Variants in TERT observed in about 807,000 individuals in gnomAD.
TERT encodes telomerase reverse transcriptase.
Under a neutral mutation model 104.0 loss-of-function variants are expected in TERT, and 42 were observed. The observed-to-expected ratio is 0.40, with a 90% confidence interval of 0.32 to 0.52. The LOEUF (loss-of-function observed/expected upper bound fraction) is 0.52, where lower values mean the gene tolerates loss of function less well. Ranked by LOEUF, TERT falls within the 20% of genes least tolerant of loss-of-function variation. The pLI, the probability that TERT is intolerant of heterozygous loss-of-function variation, is 0.43. For missense variants in TERT, 1,101 were observed against 1,610.3 expected (o/e 0.68, Z 5.41); for synonymous variants, 781 against 725.6 (o/e 1.08, Z -1.23).
Position 1,285,565 on chromosome 5 carries a change from A to ATTTTTTTTTTTTTT in TERT, c.1574-2955_1574-2942dup, listed in dbSNP as rs1170336173. On this transcript the variant is annotated intron_variant, in intron 2 of 15. Coordinates refer to ENST00000310581, the MANE Select transcript of TERT (RefSeq NM_198253.3). The stretch of plus-strand genomic sequence containing the variant: ...TTACTTTTTTAATGTGGCTACTAGA[A>ATTTTTTTTTTTTTT]TTTTTTTTTTTTTTTTTTTTTTTGA... Among the ~76,000 whole-genome samples, 20 of 82,202 alleles carry ATTTTTTTTTTTTTT rather than the reference A, an allele frequency of 2.4e-4. 1 individual carries two copies. Among genetic ancestry groups the ATTTTTTTTTTTTTT allele is most frequent in the East Asian group, 8.1e-4 (2 of 2,480 alleles). 53.9% of individuals were successfully genotyped at this position (82,202 alleles called of 152,430 possible). A position where few individuals can be genotyped will look rare whatever the true frequency, so the allele number is the denominator to read the frequency against.
Position 1,256,401 on chromosome 5 carries a change from A to C in TERT, c.3033-990T>G, listed in dbSNP as rs559308647. ...GGCTACCATGAAACAGCACATGTGCACATGTGCTCATATGTGCGTGTGATC... is the reference window on the plus strand; with the variant it reads ...GGCTACCATGAAACAGCACATGTGCCCATGTGCTCATATGTGCGTGTGATC... On this transcript the variant is annotated intron_variant, in intron 13 of 15. Coordinates refer to ENST00000310581, the MANE Select transcript of TERT (RefSeq NM_198253.3). This position sits in a 1 kb window ranked among gnomAD's most constrained non-coding sequence, Gnocchi z 7.0. Among the ~76,000 whole-genome samples, 121 of 152,112 alleles carry C rather than the reference A, an allele frequency of 8.0e-4. 1 individual carries two copies. Among genetic ancestry groups the C allele is most frequent in the African/African-American group, 2.7e-3 (113 of 41,474 alleles).
rs964518026 is a variant in TERT at position 1,257,744 on chromosome 5, C to T, written c.3032+854G>A. On this transcript the variant is annotated intron_variant, in intron 13 of 15. Transcript: ENST00000310581. The surrounding 1 kb of genome is among the most constrained non-coding windows in gnomAD (Gnocchi z 5.6). ...CCCGTGAGCCCTTGCTGGGTTTCCA[C>T]GATAGACGACGACCTCATTTCACAT... Among the ~76,000 whole-genome samples, 2 of 152,236 alleles carry T rather than the reference C, an allele frequency of 1.3e-5. No homozygotes were observed. The highest frequency in any genetic ancestry group is 2.4e-5 in the African/African-American group (1 of 41,462).
Position 1,288,382 on chromosome 5 carries a change from A to T in TERT, c.1573+4931T>A, listed in dbSNP as rs1376315746. ...ATGGAGAGATAGAAACGTCAGAGGT[A>T]AATCAGTGAAATTCAAAACTAAGAC... On this transcript the variant is annotated intron_variant, in intron 2 of 15. Coordinates refer to ENST00000310581, the MANE Select transcript of TERT (RefSeq NM_198253.3). This position sits in a 1 kb window ranked among gnomAD's most constrained non-coding sequence, Gnocchi z 5.3. Among the ~76,000 whole-genome samples, 1 of 152,196 alleles carries T rather than the reference A, an allele frequency of 6.6e-6. No homozygotes were observed. The highest frequency in any genetic ancestry group is 1.9e-4 in the East Asian group (1 of 5,192).
In TERT at chr5:1,279,468, G is replaced by A. The variant is rs201088708; in HGVS notation, c.1953C>T (p.Ala651=). Residue 651 remains alanine, a splice_region_variant and synonymous_variant, in exon 5 of 16, where the codon GCC becomes GCT. Coordinates refer to ENST00000310581, the MANE Select transcript of TERT (RefSeq NM_198253.3). ...GARTFRREKR[A]ERLTSRVKAL... ...CCTTCACCCTCGAGGTGAGACGCTC[G>A]GCCTGGCGGGGACAGCATGGGAGAC... 133 of 1,548,936 alleles carry A rather than the reference G, an allele frequency of 8.6e-5. No homozygotes were observed. The African/African-American group carries it at 1.6e-3, about 19-fold the overall frequency.
rs1441107459 is a variant in TERT, at chr5:1,288,263, C to G, written c.1573+5050G>C. 6.6e-6 allele frequency among the ~76,000 whole-genome samples: 1 copy of G among 152,108 alleles called. No homozygotes were observed. Among genetic ancestry groups the G allele is most frequent in the South Asian group, 2.1e-4 (1 of 4,828 alleles). ...GTTGAGATTACTTCACATCAAAACA[C>G]AGGGTGCAGGTAAGGCAGCACTTAG... On this transcript the variant is annotated intron_variant, in intron 2 of 15. Transcript: ENST00000310581. This position sits in a 1 kb window ranked among gnomAD's most constrained non-coding sequence, Gnocchi z 5.3.
chr5:1,273,849 C>T (rs959089623), intron 6 of TERT, among the ~76,000 whole-genome samples: 2 of 152,266 alleles, frequency 1.3e-5, no homozygotes, highest in South Asian at 2.1e-4. Context: ...TCCACAGTCA[C>T]GTGGCACAAG....
rs766794006 is a variant in TERT, at chr5:1,294,478, C to G, written c.408G>C (p.Ala136=). The G allele has an allele frequency of 6.3e-7, 1 of 1,589,768 alleles. No individual in the cohort carries two copies. Among genetic ancestry groups the G allele is most frequent in the Non-Finnish European group, 8.5e-7 (1 of 1,175,952 alleles). ...TVTDALRGSG[A]WGLLLRRVGD... ...CCACGCGGCGCAGCAGCAGCCCCCA[C>G]GCCCCGCTCCCCCGCAGTGCGTCGG... is the stretch of plus-strand genomic sequence containing the variant. Residue 136 remains alanine (A), a synonymous_variant, in exon 2 of 16, where the codon GCG becomes GCC. Coordinates refer to ENST00000310581, the MANE Select transcript of TERT (RefSeq NM_198253.3).
In TERT at chr5:1,288,583, A is replaced by G. The variant is rs1341980727; in HGVS notation, c.1573+4730T>C. On this transcript the variant is annotated intron_variant, in intron 2 of 15. Transcript: ENST00000310581. This position sits in a 1 kb window ranked among gnomAD's most constrained non-coding sequence, Gnocchi z 5.3. ...CGGCAGGTGCCCAGAATAAGGTGAC[A>G]AGCGTTGCCACCCACCCAAGGGGGC... Among the ~76,000 whole-genome samples, 1 of 152,102 alleles carries G rather than the reference A, an allele frequency of 6.6e-6. No homozygotes were observed. The highest frequency in any genetic ancestry group is 1.5e-5 in the Non-Finnish European group (1 of 68,026).
chr5:1,254,541 A>G (rs765588985), intron 14 of TERT, 36 bp from the exon 15 acceptor site: 102 of 1,591,508 alleles, frequency 6.4e-5, no homozygotes, highest in Non-Finnish European at 8.0e-5. Flanking sequence ...TCACAGGCCC[A>G]GCCCAGCTCC....
rs1026336640 is a variant in TERT at position 1,265,172 on chromosome 5, G to A, written c.2655-580C>T. On this transcript the variant is annotated intron_variant, in intron 10 of 15. Coordinates refer to ENST00000310581, the MANE Select transcript of TERT (RefSeq NM_198253.3). This position sits in a 1 kb window ranked among gnomAD's most constrained non-coding sequence, Gnocchi z 6.9. ...GTTCCCTCGCCGAGTCATGAGCCTCGCTCACCCAGCTCAGGGAGCCCCCCT... is the reference window on the plus strand; with the variant it reads ...GTTCCCTCGCCGAGTCATGAGCCTCACTCACCCAGCTCAGGGAGCCCCCCT... 3.3e-5 allele frequency among the ~76,000 whole-genome samples: 5 copies of A among 152,158 alleles called. No individual in the cohort carries two copies. Among genetic ancestry groups the A allele is most frequent in the Admixed American group, 6.5e-5 (1 of 15,284 alleles).
intron 5 of TERT, 96 bp downstream of exon 5, chr5:1,279,195 C>T (rs778892733): frequency 7.1e-7 from 1 of 1,403,222 alleles, no homozygotes; most frequent in Non-Finnish European, 9.7e-7. Flanking sequence ...CCCTGCGGCC[C>T]ACCCAGGAGT....
intron 6 of TERT, among the ~76,000 whole-genome samples, chr5:1,275,203 C>T (rs1018281328): frequency 2.0e-5 from 3 of 151,998 alleles, no homozygotes; most frequent in African/African-American, 7.3e-5. Context: ...GGAGAAACCT[C>T]GTCTCTACTA....
In TERT at chr5:1,274,105, G is replaced by A. The variant is rs1357680149; in HGVS notation, c.2287-1825C>T. Among the ~76,000 whole-genome samples, 8 of 152,320 alleles carry A rather than the reference G, an allele frequency of 5.3e-5. No homozygotes were observed. The highest frequency in any genetic ancestry group is 1.4e-4 in the African/African-American group (6 of 41,568). ...CACTAACACGGACACAGGAGGCCTC[G>A]AGCTTGTGAGGCATCAAAAGACGCG... On this transcript the variant is annotated intron_variant, in intron 6 of 15. Transcript: ENST00000310581. This position sits in a 1 kb window ranked among gnomAD's most constrained non-coding sequence, Gnocchi z 5.3.
rs2126608905 is a variant in TERT, at chr5:1,269,074, A to G, written c.2469-441T>C. Among the ~76,000 whole-genome samples, 1 of 151,968 alleles carries G rather than the reference A, an allele frequency of 6.6e-6. No homozygotes were observed. The highest frequency in any genetic ancestry group is 2.1e-4 in the South Asian group (1 of 4,792). ...ATACAACCTTGCCCCTAGTTTCAGC[A>G]TGACCAACGAGAAGCAGAAACTCTC... On this transcript the variant is annotated intron_variant, in intron 8 of 15. Transcript: ENST00000310581. The surrounding 1 kb of genome is among the most constrained non-coding windows in gnomAD (Gnocchi z 9.0).
At chr5:1,277,912 G>A (rs1749719906) in intron 6 of TERT, among the ~76,000 whole-genome samples, 5 of 152,194 alleles carry the variant, frequency 3.3e-5, no homozygotes, top group Admixed American at 3.3e-4. Flanking sequence ...GCGTGCTCAT[G>A]ACCACTGGGT....
chr5:1,262,698 C>T lies in TERT; in HGVS notation c.2843+1706G>A, dbSNP rs1034566228. Among the ~76,000 whole-genome samples, 2 of 152,238 alleles carry T rather than the reference C, an allele frequency of 1.3e-5. No homozygotes were observed. The highest frequency in any genetic ancestry group is 4.8e-5 in the African/African-American group (2 of 41,460). ...ACCCATCCTGCACTAGCCTCTGTGG[C>T]TTTGCAATGTGTTTAGAGAGAACCC... On this transcript the variant is annotated intron_variant, in intron 11 of 15. Transcript: ENST00000310581. This position sits in a 1 kb window ranked among gnomAD's most constrained non-coding sequence, Gnocchi z 5.6.
At chr5:1,275,427 G>T (rs529767045) in intron 6 of TERT, among the ~76,000 whole-genome samples, 1 of 151,068 alleles carries the variant, frequency 6.6e-6, no homozygotes, top group Non-Finnish European at 1.5e-5. Flanking sequence ...CCTCCAACTC[G>T]CAGGGGAATT....
At chr5:1,271,360 C>T (rs951412493) in intron 7 of TERT, among the ~76,000 whole-genome samples, 156 bp from the exon 8 acceptor site, 2 of 152,192 alleles carry the variant, frequency 1.3e-5, no homozygotes, top group Non-Finnish European at 2.9e-5. Flanking sequence ...CTGGCCGGGC[C>T]GAGTCTCTGC....
chr5:1,271,669 C>T (rs970516810), intron 7 of TERT, among the ~76,000 whole-genome samples: 2 of 152,158 alleles, frequency 1.3e-5, no homozygotes, highest in African/African-American at 2.4e-5. Context: ...CACAGGGCCA[C>T]GTGGACAGAC....
Sources: allele counts gnomAD v4.1 joint callset (sites outside exome capture counted in the v4.1 genomes callset), GRCh38; gene constraint gnomAD v4.1.1; non-coding constraint Gnocchi (gnomAD v3.1); transcripts MANE v1.5; gene names NCBI Gene and HGNC (gene_info 2026-07-23, HGNC 2026-07-21).